The following TMEM217B variants were observed in gnomAD, a reference collection of about 807,000 sequenced individuals.
TMEM217B encodes the protein transmembrane protein 217B, also known as putative transmembrane protein 217B.
the TMEM217B span, chr6:37,218,869 G>A: frequency 1.2e-5 from 20 of 1,614,066 alleles, no homozygotes; most frequent in Admixed American, 3.3e-5. Flanking sequence ...TATTTATGAT[G>A]TTACTTGCAC....
the TMEM217B span, chr6:37,218,302 G>T: frequency 8.5e-7 from 1 of 1,175,596 alleles, no homozygotes; most frequent in Non-Finnish European, 1.2e-6. Context: ...TCAAGTGGCT[G>T]GGATTACAGG....
chr6:37,218,253 TC>T, the TMEM217B span: 1 of 1,248,696 alleles, frequency 8.0e-7, no homozygotes. Context: ...CACTGCAACC[TC>T]CACCTCCCAG....
At chr6:37,232,424 C>T in the TMEM217B span, among the ~76,000 whole-genome samples, 1 of 152,122 alleles carries the variant, frequency 6.6e-6, no homozygotes, top group Non-Finnish European at 1.5e-5. Context: ...CTCGCTCTGT[C>T]GCCCAGGCTG....
the TMEM217B span, among the ~76,000 whole-genome samples, chr6:37,247,534 C>T: frequency 4.6e-5 from 7 of 151,860 alleles, no homozygotes; most frequent in African/African-American, 7.3e-5. Context: ...ACTACAGGTG[C>T]GTGCCACCAC....
the TMEM217B span, among the ~76,000 whole-genome samples, chr6:37,231,257 A>G: frequency 1.5e-5 from 2 of 132,660 alleles, no homozygotes; most frequent in Non-Finnish European, 3.2e-5. Context: ...TTTTGTAGAA[A>G]CGGGCTTTCA....
chr6:37,246,202 CT>C, the TMEM217B span, among the ~76,000 whole-genome samples: 1 of 152,196 alleles, frequency 6.6e-6, no homozygotes, highest in East Asian at 1.9e-4. Flanking sequence ...CAGTAATCAG[CT>C]TTTGCCACAA....
At chr6:37,250,307 A>C in the TMEM217B span, among the ~76,000 whole-genome samples, 1 of 152,222 alleles carries the variant, frequency 6.6e-6, no homozygotes, top group Non-Finnish European at 1.5e-5. Flanking sequence ...AGAGGCTTCT[A>C]AGGTATTGGT....
At chr6:37,224,484 GC>G in the TMEM217B span, among the ~76,000 whole-genome samples, 1 of 151,768 alleles carries the variant, frequency 6.6e-6, no homozygotes, top group Admixed American at 6.6e-5. Context: ...TGTGGTCCCA[GC>G]TACTCGGGAG....
chr6:37,252,035 A>G, the TMEM217B span, among the ~76,000 whole-genome samples: 1 of 152,176 alleles, frequency 6.6e-6, no homozygotes, highest in Non-Finnish European at 1.5e-5. Flanking sequence ...CTGGGATTAC[A>G]GGCATGCGCC....
chr6:37,228,641 T>C, the TMEM217B span, among the ~76,000 whole-genome samples: 1 of 151,500 alleles, frequency 6.6e-6, no homozygotes, highest in African/African-American at 2.4e-5. Context: ...GAGGCGGAGG[T>C]TGCAGTGAGC....
chr6:37,217,528 C>T, the TMEM217B span: 1 of 625,254 alleles, frequency 1.6e-6, no homozygotes, highest in Non-Finnish European at 2.0e-6. Flanking sequence ...CAGAGTACAG[C>T]ACAGCAACAG....
the TMEM217B span, among the ~76,000 whole-genome samples, chr6:37,242,276 A>G: frequency 6.6e-6 from 1 of 152,194 alleles, no homozygotes; most frequent in East Asian, 1.9e-4. Flanking sequence ...AGAGAGTCAA[A>G]CACAGGCCCC....
At chr6:37,223,693 G>C in the TMEM217B span, among the ~76,000 whole-genome samples, 1 of 151,998 alleles carries the variant, frequency 6.6e-6, no homozygotes, top group African/African-American at 2.4e-5. Flanking sequence ...ATTTTTAGTA[G>C]AGACGGGGTT....
At chr6:37,218,338 T>A in the TMEM217B span, 7 of 1,240,166 alleles carry the variant, frequency 5.6e-6, no homozygotes, top group Non-Finnish European at 7.7e-6. Flanking sequence ...CTGGCTAATT[T>A]TCTATTTTTT....
At chr6:37,213,749 C>G in the TMEM217B span, among the ~76,000 whole-genome samples, 1 of 152,242 alleles carries the variant, frequency 6.6e-6, no homozygotes, top group African/African-American at 2.4e-5. Context: ...AATGGGGGAC[C>G]TAAGGCTGGA....
chr6:37,232,167 T>C, the TMEM217B span, among the ~76,000 whole-genome samples: 4 of 152,156 alleles, frequency 2.6e-5, no homozygotes, highest in Admixed American at 2.6e-4. Context: ...GATTAATGGG[T>C]ACAAAAGGAC....
At chr6:37,241,872 G>A in the TMEM217B span, among the ~76,000 whole-genome samples, 2 of 152,212 alleles carry the variant, frequency 1.3e-5, no homozygotes, top group African/African-American at 4.8e-5. Flanking sequence ...GGCTTTGTAT[G>A]TAACCGTGTA....
chr6:37,257,673 C>T, the TMEM217B span: 4 of 526,970 alleles, frequency 7.6e-6, no homozygotes, highest in African/African-American at 6.0e-5. Context: ...CGTTACCGGT[C>T]GGCTTCAGCG....
At chr6:37,215,570 C>CAAAAAAAAA in the TMEM217B span, among the ~76,000 whole-genome samples, 242 of 72,364 alleles carry the variant, frequency 3.3e-3, 11 homozygotes, top group African/African-American at 0.011. Flanking sequence ...GACTCTGTCT[C>CAAAAAAAAA]AAAAAAAAAA....
Sources: allele counts gnomAD v4.1 joint callset (sites outside exome capture counted in the v4.1 genomes callset), GRCh38; gene constraint gnomAD v4.1.1; transcripts MANE v1.5; gene names NCBI Gene and HGNC (gene_info 2026-07-23, HGNC 2026-07-21).